The following MED15 variants were observed in gnomAD, a reference collection of about 807,000 sequenced individuals.
The protein encoded by MED15 is mediator complex subunit 15.
Under a neutral mutation model 118.7 loss-of-function variants are expected in MED15, and 41 were observed. The observed-to-expected ratio is 0.35, with a 90% confidence interval of 0.27 to 0.45. The LOEUF is 0.45. Among genes scored for constraint, MED15 ranks in the 20% least tolerant of loss-of-function variants. The pLI, the probability that MED15 is intolerant of heterozygous loss-of-function variation, is 1.00. For synonymous variants in MED15, 436 were observed against 413.9 expected, an observed-to-expected ratio of 1.05 and a Z score of -0.65; for missense variants, 740 against 1,025.5, an observed-to-expected ratio of 0.72 and a Z score of 3.80.
At chr22:20,519,605 C>T (rs145110218) in intron 1 of MED15, among the ~76,000 whole-genome samples, 856 of 152,222 alleles carry the variant, frequency 5.6e-3, no homozygotes, top group Non-Finnish European at 9.9e-3. Flanking sequence ...CAGGCCTGCA[C>T]CACCACACCT....
chr22:20,554,808 G>T, intron 4 of MED15, 128 bp from the exon 5 acceptor site: 1 of 900,130 alleles, frequency 1.1e-6, no homozygotes, highest in Non-Finnish European at 1.7e-6. Context: ...GTCTCTTACT[G>T]CTTGGGGCTG....
At chr22:20,565,423 C>G (rs936395845) in intron 6 of MED15, among the ~76,000 whole-genome samples, 16 of 152,228 alleles carry the variant, frequency 1.1e-4, no homozygotes, top group African/African-American at 3.6e-4. Flanking sequence ...GTTAGTCGAC[C>G]TCCAGCTGGT....
intron 1 of MED15, among the ~76,000 whole-genome samples, chr22:20,509,312 G>A (rs1056640728): frequency 6.6e-6 from 1 of 152,174 alleles, no homozygotes; most frequent in Admixed American, 6.5e-5. Context: ...CCTGTCCCTG[G>A]AGATGGATGC....
chr22:20,516,037 T>G (rs1310638462), intron 1 of MED15, among the ~76,000 whole-genome samples: 1 of 150,276 alleles, frequency 6.7e-6, no homozygotes, highest in Non-Finnish European at 1.5e-5. Flanking sequence ...AATAAGTAGG[T>G]TGGGCGCGGT....
rs185471991 is a variant in MED15 at position 20,511,198 on chromosome 22, T to G, written c.68+3452T>G. 2.0e-5 allele frequency among the ~76,000 whole-genome samples: 3 copies of G among 152,286 alleles called. No homozygotes were observed. In the East Asian group the frequency reaches 5.8e-4, roughly 29 times the overall value. The stretch of plus-strand genomic sequence containing the variant: ...AAATGCTTTATACCCAAGTAATTTA[T>G]AGTTGATGAAGGGATAGAGAAAGTG... On this transcript the variant is annotated intron_variant, in intron 1 of 17. Coordinates refer to ENST00000263205, the MANE Select transcript of MED15 (RefSeq NM_001003891.3).
In MED15 at chr22:20,553,127, G is replaced by A. The variant is rs778851547; in HGVS notation, c.209-18G>A. The A allele has an allele frequency of 6.9e-6, 11 of 1,603,554 alleles. No homozygotes were observed. The highest frequency in any genetic ancestry group is 9.4e-6 in the Non-Finnish European group (11 of 1,173,124). ...AAACTATGTTTACTTTCGTTTTTTT[G>A]TTTGTGTTTTCATATAGATAACAAG... On this transcript the variant is annotated intron_variant, in intron 3 of 17. Coordinates refer to ENST00000263205, the MANE Select transcript of MED15 (RefSeq NM_001003891.3).
chr22:20,517,103 A>T (rs1376967180), intron 1 of MED15, among the ~76,000 whole-genome samples: 36 of 141,506 alleles, frequency 2.5e-4, no homozygotes, highest in African/African-American at 5.2e-4. Flanking sequence ...TAATTTTCTT[A>T]TTTTTTTTTT....
At chr22:20,518,311 C>G (rs1843098528) in intron 1 of MED15, among the ~76,000 whole-genome samples, 1 of 152,230 alleles carries the variant, frequency 6.6e-6, no homozygotes, top group Non-Finnish European at 1.5e-5. Flanking sequence ...CCATCCTTTC[C>G]ATCCCTGCAA....
intron 3 of MED15, among the ~76,000 whole-genome samples, chr22:20,552,885 C>A (rs369188779): frequency 6.6e-6 from 1 of 152,212 alleles, no homozygotes; most frequent in Non-Finnish European, 1.5e-5. Context: ...GGGTCCCCAA[C>A]CCCAGAGTGC....
rs370076399 is a variant in MED15 at position 20,583,063 on chromosome 22, T to TC, written c.1538-46dup. 122 of 1,557,184 alleles carry TC rather than the reference T, an allele frequency of 7.8e-5. 4 individuals are homozygous for TC. In the African/African-American group the frequency reaches 1.5e-3, roughly 19 times the overall value. ...GCTCTGGGGCCCTCAGAGCTCAAGT[T>TC]CCCCACCCGAGGGTCGAGGGCTGTG... On this transcript the variant is annotated intron_variant, in intron 11 of 17. Transcript: ENST00000263205.
At chr22:20,531,293 A>G (rs969919780) in intron 1 of MED15, among the ~76,000 whole-genome samples, 6 of 152,226 alleles carry the variant, frequency 3.9e-5, no homozygotes, top group Non-Finnish European at 7.3e-5. Context: ...GGAGGTGAGG[A>G]ACAACAGGCC....
At position 20,551,502 on chromosome 22, in the gene MED15, G is replaced by A; in HGVS notation, c.208+15G>A. On this transcript the variant is annotated intron_variant, in intron 3 of 17. Coordinates refer to ENST00000263205, the MANE Select transcript of MED15 (RefSeq NM_001003891.3). Reference sequence around the variant, plus strand: ...TCGAGACATTCGTAAGTAAGATTTTGCATTTCTGGGTTGTTGAGATCTCTG... The same window carrying A: ...TCGAGACATTCGTAAGTAAGATTTTACATTTCTGGGTTGTTGAGATCTCTG... 1.2e-6 allele frequency: 2 copies of A among 1,612,982 alleles called. No homozygotes were observed. Among genetic ancestry groups the A allele is most frequent in the Non-Finnish European group, 1.7e-6 (2 of 1,178,900 alleles).
rs1391922652 is a variant in MED15 at position 20,537,198 on chromosome 22, G to A, written c.150G>A (p.Lys50=). ...AGAGCCATGTTTTCCTGAAGGCCAA[G>A]ACCCGGGTAAGGCCCTAGTAAGTGG... The part of the protein sequence containing the change: ...DMESHVFLKA[K]TRDEYLSLVA... The change falls in exon 2 of 18, where the codon AAG becomes AAA. Residue 50 remains lysine (K), a synonymous_variant. Coordinates refer to ENST00000263205, the MANE Select transcript of MED15 (RefSeq NM_001003891.3). 1 of 1,612,762 alleles carries A rather than the reference G, an allele frequency of 6.2e-7. No homozygotes were observed.
chr22:20,585,543 C>A, intron 16 of MED15, 185 bp from the exon 17 acceptor site: 1 of 681,742 alleles, frequency 1.5e-6, no homozygotes, highest in Non-Finnish European at 2.5e-6. Context: ...CCTCTGGGCA[C>A]CCATCAATGC....
intron 1 of MED15, among the ~76,000 whole-genome samples, chr22:20,523,208 A>T (rs1184933452): frequency 6.6e-6 from 1 of 151,914 alleles, no homozygotes; most frequent in Non-Finnish European, 1.5e-5. Context: ...TTCAGTTTTG[A>T]GTTATAGGTT....
chr22:20,526,615 A>G (rs987215902), intron 1 of MED15, among the ~76,000 whole-genome samples: 3 of 152,136 alleles, frequency 2.0e-5, no homozygotes, highest in Non-Finnish European at 4.4e-5. Flanking sequence ...CTGTGTATCT[A>G]TTCTTATTCT....
intron 1 of MED15, among the ~76,000 whole-genome samples, chr22:20,515,461 G>C (rs1266672076): frequency 2.2e-4 from 1 of 4,536 alleles, no homozygotes; most frequent in African/African-American, 3.5e-4. Context: ...TAGCTGACGA[G>C]CTAAAAAAAA....
At chr22:20,533,547 T>C (rs2054936273) in intron 1 of MED15, among the ~76,000 whole-genome samples, 1 of 152,198 alleles carries the variant, frequency 6.6e-6, no homozygotes, top group Admixed American at 6.5e-5. Flanking sequence ...ACAGTGCTGC[T>C]GTTCTGAGCG....
chr22:20,507,709 C>A lies in MED15; in HGVS notation c.31C>A (p.Arg11=). MDVSGQETDW[R]STAFRQKLVS... is the part of the protein sequence containing the mutation. ...CGTTTCCGGGCAAGAGACCGACTGG[C>A]GGAGCACCGCCTTCCGGCAGAAGCT... is the stretch of plus-strand genomic sequence containing the variant. The change falls in exon 1 of 18, where the codon CGG becomes AGG. Residue 11 remains arginine (R), a synonymous_variant. Coordinates refer to ENST00000263205, the MANE Select transcript of MED15 (RefSeq NM_001003891.3). The A allele has an allele frequency of 6.2e-7, 1 of 1,614,028 alleles. No individual in the cohort carries two copies. Among genetic ancestry groups the A allele is most frequent in the Non-Finnish European group, 8.5e-7 (1 of 1,179,938 alleles).
Sources: gnomAD v4.1 joint callset for allele counts (sites outside exome capture counted in the v4.1 genomes callset) on GRCh38, gnomAD v4.1.1 for gene constraint, MANE v1.5 for transcripts, NCBI Gene and HGNC (gene_info 2026-07-23, HGNC 2026-07-21) for gene names.